Variants in BMP2K observed in about 807,000 individuals in gnomAD.
BMP2K encodes the protein BMP2 inducible kinase, also known as BMP-2-inducible protein kinase.
A neutral mutation model predicts 116.0 loss-of-function variants in BMP2K; 74 were observed. The ratio of observed to expected loss-of-function variants is 0.64; its 90% CI spans 0.53 to 0.77. BMP2K has a LOEUF of 0.77. BMP2K is among the 30% of genes least tolerant of loss of function. The probability of loss-of-function intolerance (pLI) is 0.00; values close to 1 mark genes in which losing one functional copy is unlikely to be tolerated. For missense variants in BMP2K, 1,365 were observed against 1,403.6 expected, an observed-to-expected ratio of 0.97 and a Z score of 0.44; for synonymous variants, 486 against 502.5, an observed-to-expected ratio of 0.97 and a Z score of 0.44.
At chr4:78,778,226 C>A (rs1426183726) in intron 1 of BMP2K, among the ~76,000 whole-genome samples, 2 of 152,150 alleles carry the variant, frequency 1.3e-5, no homozygotes, top group Non-Finnish European at 2.9e-5. Flanking sequence ...AAAAAAAATA[C>A]TGACATTTCA....
Position 78,912,625 on chromosome 4 carries a change from A to G in BMP2K, c.*592A>G, listed in dbSNP as rs765157413. 9 of 152,242 alleles carry G rather than the reference A, an allele frequency of 5.9e-5. No individual in the cohort carries two copies. Among genetic ancestry groups the G allele is most frequent in the Non-Finnish European group, 1.3e-4 (9 of 68,064 alleles). The allele number at this position is 152,242 out of a possible 1,614,324, so 9.4% of individuals were successfully genotyped here. A position where few individuals can be genotyped will look rare whatever the true frequency, so the allele number is the denominator to read the frequency against. On this transcript the variant is annotated 3_prime_UTR_variant, in exon 16 of 16. Transcript: ENST00000502613. Reference sequence around the variant, plus strand: ...CTAAAACTCTGTTTCATTTTTAAAAACAAGTGCCATTAAAATGGAATATCT... The same window carrying G: ...CTAAAACTCTGTTTCATTTTTAAAAGCAAGTGCCATTAAAATGGAATATCT...
Position 78,911,136 on chromosome 4 carries a change from C to A in BMP2K, c.2589C>A (p.Phe863Leu). 1 of 1,614,014 alleles carries A rather than the reference C, an allele frequency of 6.2e-7. No individual in the cohort carries two copies. Among genetic ancestry groups the A allele is most frequent in the South Asian group, 1.1e-5 (1 of 91,086 alleles). ...TTGATGTATTTGGCGCTGTCCCCTT[C>A]TTTGCAGTGCGTGCTCAACAGCCCC... Reference protein sequence around the residue: ...QEFDVFGAVPFFAVRAQQPQQ... With the variant: ...QEFDVFGAVPLFAVRAQQPQQ... The change falls in exon 16 of 16, where the codon TTC becomes TTA. Residue 863 changes from phenylalanine (F) to leucine (L), a missense_variant. Around this residue, in one of 3 missense-constraint regions of BMP2K, gnomAD observed 596 missense variants for 623.2 expected, o/e 0.96. Coordinates refer to ENST00000502613, the MANE Select transcript of BMP2K (RefSeq NM_198892.2).
intron 3 of BMP2K, among the ~76,000 whole-genome samples, chr4:78,835,658 T>C (rs1730442795): frequency 6.7e-6 from 1 of 150,024 alleles, no homozygotes. Flanking sequence ...AAGTCAAATA[T>C]CTTAAGCTGT....
intron 1 of BMP2K, among the ~76,000 whole-genome samples, chr4:78,824,889 T>C (rs568373947): frequency 6.6e-6 from 1 of 152,262 alleles, no homozygotes; most frequent in East Asian, 1.9e-4. Flanking sequence ...TCAGATAAGA[T>C]GCTTTCTCAG....
intron 14 of BMP2K, among the ~76,000 whole-genome samples, chr4:78,881,502 TAAA>T (rs1161935660): frequency 6.6e-6 from 1 of 152,124 alleles, no homozygotes; most frequent in African/African-American, 2.4e-5. Context: ...GTGTCATTAA[TAAA>T]AAAGTTTGTA....
At chr4:78,905,541 G>C (rs930205002) in intron 15 of BMP2K, among the ~76,000 whole-genome samples, 3 of 151,884 alleles carry the variant, frequency 2.0e-5, no homozygotes, top group Non-Finnish European at 4.4e-5. Context: ...CATGTTGTTA[G>C]TGCTTATTCT....
intron 1 of BMP2K, among the ~76,000 whole-genome samples, chr4:78,780,212 T>G (rs1183780493): frequency 2.0e-5 from 3 of 152,104 alleles, no homozygotes; most frequent in African/African-American, 7.2e-5. Flanking sequence ...TGGTACAAAA[T>G]GGACCTAAAA....
At chr4:78,834,174 G>A (rs1352885695) in intron 3 of BMP2K, among the ~76,000 whole-genome samples, 2 of 151,572 alleles carry the variant, frequency 1.3e-5, no homozygotes, top group Non-Finnish European at 2.9e-5. Context: ...CATTTTATTT[G>A]GACCTAATGT....
intron 1 of BMP2K, among the ~76,000 whole-genome samples, chr4:78,821,059 A>G (rs573089870): frequency 6.6e-5 from 10 of 152,236 alleles, no homozygotes; most frequent in African/African-American, 1.4e-4. Flanking sequence ...CATGACTGCA[A>G]TGTCTTTCTT....
rs1487139652 is a variant in BMP2K, at chr4:78,826,044, C to G, written c.186C>G (p.Phe62Leu). Residue 62 changes from phenylalanine (F) to leucine (L), a missense_variant, in exon 2 of 16, where the codon TTC becomes TTG. Transcript: ENST00000502613. ...TLEESLAEGGFSTVFLVRTHG... is the reference protein window; with the variant it reads ...TLEESLAEGGLSTVFLVRTHG... Reference sequence around the variant, plus strand: ...GGTGCTTTGTTTTTCTAGGTGGATTCTCCACAGTTTTCCTCGTGCGTACTC... The same window carrying G: ...GGTGCTTTGTTTTTCTAGGTGGATTGTCCACAGTTTTCCTCGTGCGTACTC... The G allele has an allele frequency of 6.2e-7, 1 of 1,610,086 alleles. No homozygotes were observed. Among genetic ancestry groups the G allele is most frequent in the Non-Finnish European group, 8.5e-7 (1 of 1,177,854 alleles).
intron 1 of BMP2K, among the ~76,000 whole-genome samples, chr4:78,783,766 A>C (rs1727610046): frequency 6.6e-6 from 1 of 152,206 alleles, no homozygotes; most frequent in South Asian, 2.1e-4. Context: ...AGATAGAGCC[A>C]TTGCACTCCA....
chr4:78,843,000 T>C (rs1577918495), intron 4 of BMP2K, among the ~76,000 whole-genome samples: 1 of 152,120 alleles, frequency 6.6e-6, no homozygotes. Flanking sequence ...TTTCTATAAT[T>C]TGGTGGTAGT....
At chr4:78,824,977 G>A (rs557543576) in intron 1 of BMP2K, among the ~76,000 whole-genome samples, 54 of 152,178 alleles carry the variant, frequency 3.5e-4, no homozygotes, top group Middle Eastern at 3.4e-3. Context: ...CAAGGCGGGC[G>A]GATCATGAAA....
Position 78,872,621 on chromosome 4 carries a change from A to G in BMP2K, c.1616A>G (p.Gln539Arg). ...SASQYPTMMP[Q>R]YQQAFFQQQM... Reference sequence around the variant, plus strand: ...TATCATTTCTTTTTTCAGATGCCGCAGTATCAGCAGGCTTTCTTTCAACAG... The same window carrying G: ...TATCATTTCTTTTTTCAGATGCCGCGGTATCAGCAGGCTTTCTTTCAACAG... The change falls in exon 13 of 16, where the codon CAG becomes CGG. Residue 539 changes from glutamine (Q) to arginine (R), a missense_variant. By Grantham distance (43) the Gln-to-Arg change is conservative (BLOSUM62 1). This residue lies in a region of BMP2K where 762 missense variants were observed against 756.7 expected (regional missense o/e 1.01). Coordinates refer to ENST00000502613, the MANE Select transcript of BMP2K (RefSeq NM_198892.2). 3.7e-6 allele frequency: 6 copies of G among 1,613,912 alleles called. No individual in the cohort carries two copies. The highest frequency in any genetic ancestry group is 5.1e-6 in the Non-Finnish European group (6 of 1,179,926).
intron 10 of BMP2K, among the ~76,000 whole-genome samples, chr4:78,866,604 A>AG (rs1349815557): frequency 6.6e-6 from 1 of 152,166 alleles, no homozygotes; most frequent in East Asian, 1.9e-4. Flanking sequence ...TACTGTTGTT[A>AG]CTATCAAGTA....
intron 14 of BMP2K, among the ~76,000 whole-genome samples, chr4:78,883,826 T>C (rs1348307551): frequency 6.6e-6 from 1 of 151,492 alleles, no homozygotes; most frequent in Non-Finnish European, 1.5e-5. Flanking sequence ...ACTTTGGAGG[T>C]TGAGGTGGGA....
chr4:78,912,012 T>C lies in BMP2K; in HGVS notation c.3465T>C (p.Ala1155=), dbSNP rs1331478015. 3 of 1,611,028 alleles carry C rather than the reference T, an allele frequency of 1.9e-6. No homozygotes were observed. The highest frequency in any genetic ancestry group is 2.7e-5 in the African/African-American group (2 of 74,902). Residue 1155 remains alanine (A), a synonymous_variant, in exon 16 of 16, where the codon GCT becomes GCC. Transcript: ENST00000502613. ...QPVELDPFGA[A]PFPSKQ ...TCGAATTAGACCCATTTGGTGCTGC[T>C]CCATTTCCTTCTAAACAGTAGATAC... is the stretch of plus-strand genomic sequence containing the variant.
At chr4:78,853,629 A>G (rs1294447676) in intron 7 of BMP2K, among the ~76,000 whole-genome samples, 1 of 152,186 alleles carries the variant, frequency 6.6e-6, no homozygotes, top group Non-Finnish European at 1.5e-5. Flanking sequence ...TTAAAGAAGT[A>G]CATTGCAGAG....
At chr4:78,894,704 A>C (rs995676260) in intron 15 of BMP2K, among the ~76,000 whole-genome samples, 1 of 152,112 alleles carries the variant, frequency 6.6e-6, no homozygotes, top group Non-Finnish European at 1.5e-5. Flanking sequence ...AATTTCCTTC[A>C]ATAATTTTTC....
Sources: gnomAD v4.1 joint callset for allele counts (sites outside exome capture counted in the v4.1 genomes callset) on GRCh38, gnomAD v4.1.1 for gene constraint, gnomAD v4.1.1 regional missense constraint, MANE v1.5 for transcripts, NCBI Gene and HGNC (gene_info 2026-07-23, HGNC 2026-07-21) for gene names.